The following MEX3D variants were observed in gnomAD, a reference collection of about 807,000 sequenced individuals.
MEX3D encodes RNA-binding protein MEX3D.
In MEX3D, 4 loss-of-function variants were observed where a neutral mutation model predicts 6.3. The observed-to-expected ratio is 0.64, with a 90% confidence interval of 0.31 to 1.46. The LOEUF (loss-of-function observed/expected upper bound fraction) is 1.46, where lower values mean the gene tolerates loss of function less well. Ranked by LOEUF, MEX3D falls within the 40% of genes most tolerant of loss-of-function variation. MEX3D has a pLI of 0.07. For synonymous variants in MEX3D, 626 were observed against 494.1 expected (o/e 1.27, Z -3.54); for missense variants, 1,038 against 994.4 (o/e 1.04, Z -0.59).
At position 1,556,688 on chromosome 19, in the gene MEX3D, C is replaced by A. The variant is rs766018583; in HGVS notation, c.831G>T (p.Gln277His). 6.2e-7 allele frequency: 1 copy of A among 1,610,956 alleles called. No individual in the cohort carries two copies. Among genetic ancestry groups the A allele is most frequent in the South Asian group, 1.1e-5 (1 of 90,980 alleles). ...CCACCACCCGGTAGGGCACGCGCAC[C>A]TGGATGGTGGTCTGTCCGGGAAGGT... ...PPNLPGQTTI[Q>H]VRVPYRVVGL... The change falls in exon 2 of 2, where the codon CAG becomes CAT. Residue 277 changes from glutamine to histidine, a missense_variant. By Grantham distance (24) the Gln-to-His change is conservative. Around this residue, in one of 5 missense-constraint regions of MEX3D, gnomAD observed 65 missense variants for 109.3 expected, o/e 0.59. Coordinates refer to ENST00000402693, the MANE Select transcript of MEX3D (RefSeq NM_203304.4). The surrounding 1 kb of genome is among the most constrained non-coding windows in gnomAD (Gnocchi z 7.5).
Position 1,556,968 on chromosome 19 carries a change from G to C in MEX3D, c.596-45C>G. ...AGGACAAGGTGACCCAGAGCCCCCT[G>C]CGCAGCTCAGCCCCGCTGGGCATGC... On this transcript the variant is annotated intron_variant, in intron 1 of 1. Transcript: ENST00000402693. The surrounding 1 kb of genome is among the most constrained non-coding windows in gnomAD (Gnocchi z 7.5). 1 of 1,544,190 alleles carries C rather than the reference G, an allele frequency of 6.5e-7. No individual in the cohort carries two copies. Among genetic ancestry groups the C allele is most frequent in the Non-Finnish European group, 8.7e-7 (1 of 1,151,362 alleles).
Position 1,556,997 on chromosome 19 carries a change from C to T in MEX3D, c.596-74G>A. 1 of 1,499,838 alleles carries T rather than the reference C, an allele frequency of 6.7e-7. No homozygotes were observed. The highest frequency in any genetic ancestry group is 1.3e-5 in the South Asian group (1 of 75,752). 92.9% of individuals were successfully genotyped at this position (1,499,838 alleles called of 1,614,324 possible). A position where few individuals can be genotyped will look rare whatever the true frequency, so the allele number is the denominator to read the frequency against. ...AGCTCAGCCCCGCTGGGCATGCAGG[C>T]TGCAGGGCCAGTGAGGGAGCCCCTA... is the stretch of plus-strand genomic sequence containing the variant. On this transcript the variant is annotated intron_variant, in intron 1 of 1. Coordinates refer to ENST00000402693, the MANE Select transcript of MEX3D (RefSeq NM_203304.4). The surrounding 1 kb of genome is among the most constrained non-coding windows in gnomAD (Gnocchi z 7.5).
At position 1,567,016 on chromosome 19, in the gene MEX3D, C is replaced by T. The variant is rs1051554863; in HGVS notation, c.595+448G>A. On this transcript the variant is annotated intron_variant, in intron 1 of 1. Coordinates refer to ENST00000402693, the MANE Select transcript of MEX3D (RefSeq NM_203304.4). This position sits in a 1 kb window ranked among gnomAD's most constrained non-coding sequence, Gnocchi z 6.5. ...CTGAGACGTGCGCTCTTTGTACTGT[C>T]AGCCTTCTCTCCCGGTCCTGCAGGC... 1.3e-5 allele frequency among the ~76,000 whole-genome samples: 2 copies of T among 152,134 alleles called. No individual in the cohort carries two copies. The highest frequency in any genetic ancestry group is 1.3e-4 in the Admixed American group (2 of 15,282).
chr19:1,557,396 C>A (rs1429257022), intron 1 of MEX3D, among the ~76,000 whole-genome samples: 1 of 151,164 alleles, frequency 6.6e-6, no homozygotes, highest in Non-Finnish European at 1.5e-5. Flanking sequence ...GAAACCCTGT[C>A]TCTACTAAAA....
chr19:1,568,071 C>A lies in MEX3D; in HGVS notation c.-13G>T. 1 of 978,218 alleles carries A rather than the reference C, an allele frequency of 1.0e-6. No homozygotes were observed. Among genetic ancestry groups the A allele is most frequent in the Non-Finnish European group, 1.2e-6 (1 of 827,656 alleles). 60.6% of individuals were successfully genotyped at this position (978,218 alleles called of 1,614,324 possible). ...GCGAGCTGGGCATGGCGGGAGCTAG[C>A]GCTGGGGCCCGCGCTCCTGCCGCCC... On this transcript the variant is annotated 5_prime_UTR_variant, in exon 1 of 2. Transcript: ENST00000402693.
Position 1,555,481 on chromosome 19 carries a change from T to A in MEX3D, c.*82A>T. 23 of 955,106 alleles carry A rather than the reference T, an allele frequency of 2.4e-5. No homozygotes were observed. The highest frequency in any genetic ancestry group is 4.5e-4 in the Middle Eastern group (1 of 2,242). The allele number at this position is 955,106 out of a possible 1,614,324, so 59.2% of individuals were successfully genotyped here. A position where few individuals can be genotyped will look rare whatever the true frequency, so the allele number is the denominator to read the frequency against. ...CCGCCCCTCGCCCCCTCCCCGTCCC[T>A]CTCCCACCCCGGGTCCCGCCCCGTC... On this transcript the variant is annotated 3_prime_UTR_variant, in exon 2 of 2. Coordinates refer to ENST00000402693, the MANE Select transcript of MEX3D (RefSeq NM_203304.4).
chr19:1,556,972 A>T lies in MEX3D; in HGVS notation c.596-49T>A. On this transcript the variant is annotated intron_variant, in intron 1 of 1. Transcript: ENST00000402693. The surrounding 1 kb of genome is among the most constrained non-coding windows in gnomAD (Gnocchi z 7.5). ...CAAGGTGACCCAGAGCCCCCTGCGC[A>T]GCTCAGCCCCGCTGGGCATGCAGGC... 1 of 1,534,358 alleles carries T rather than the reference A, an allele frequency of 6.5e-7. No individual in the cohort carries two copies.
At position 1,555,252 on chromosome 19, in the gene MEX3D, G is replaced by A. The variant is rs1298200539; in HGVS notation, c.*311C>T. 8 of 1,410,082 alleles carry A rather than the reference G, an allele frequency of 5.7e-6. 1 individual carries two copies. In the Admixed American group the frequency reaches 5.8e-5, roughly 10 times the overall value. 87.3% of individuals were successfully genotyped at this position (1,410,082 alleles called of 1,614,324 possible). On this transcript the variant is annotated 3_prime_UTR_variant, in exon 2 of 2. Coordinates refer to ENST00000402693, the MANE Select transcript of MEX3D (RefSeq NM_203304.4). ...TGCTTTTTTAAAGATCACCCTGGAGGGGAGGGGTGTCTAAAAATAAGAAAA... is the reference window on the plus strand; with the variant it reads ...TGCTTTTTTAAAGATCACCCTGGAGAGGAGGGGTGTCTAAAAATAAGAAAA...
intron 1 of MEX3D, among the ~76,000 whole-genome samples, chr19:1,558,424 G>C (rs1001757208): frequency 6.6e-6 from 1 of 151,694 alleles, no homozygotes; most frequent in East Asian, 1.9e-4. Context: ...GCCTTGTGGA[G>C]ACACAGACAG....
Position 1,555,433 on chromosome 19 carries a change from C to A in MEX3D, c.*130G>T. ...CTCATCTGTAAACACTGGCCGCCGC[C>A]CACCCCCCTGCCCCCTCGGCCTCCG... On this transcript the variant is annotated 3_prime_UTR_variant, in exon 2 of 2. Coordinates refer to ENST00000402693, the MANE Select transcript of MEX3D (RefSeq NM_203304.4). 6.8e-7 allele frequency: 1 copy of A among 1,467,524 alleles called. No homozygotes were observed. Among genetic ancestry groups the A allele is most frequent in the South Asian group, 1.2e-5 (1 of 83,318 alleles). 90.9% of individuals were successfully genotyped at this position (1,467,524 alleles called of 1,614,324 possible). A position where few individuals can be genotyped will look rare whatever the true frequency, so the allele number is the denominator to read the frequency against.
chr19:1,567,748 G>C lies in MEX3D; in HGVS notation c.311C>G (p.Pro104Arg), dbSNP rs1914883812. The C allele has an allele frequency of 7.2e-6, 7 of 971,634 alleles. No homozygotes were observed. Among genetic ancestry groups the C allele is most frequent in the African/African-American group, 1.8e-5 (1 of 56,590 alleles). The allele number at this position is 971,634 out of a possible 1,614,324, so 60.2% of individuals were successfully genotyped here. A position where few individuals can be genotyped will look rare whatever the true frequency, so the allele number is the denominator to read the frequency against. The change falls in exon 1 of 2, where the codon CCC becomes CGC. Residue 104 changes from proline to arginine, a missense_variant. By Grantham distance (103) the Pro-to-Arg change is moderately radical. This residue lies in a region of MEX3D where 265 missense variants were observed against 206.3 expected (regional missense o/e 1.28). Coordinates refer to ENST00000402693, the MANE Select transcript of MEX3D (RefSeq NM_203304.4). The surrounding 1 kb of genome is among the most constrained non-coding windows in gnomAD (Gnocchi z 6.5). ...DGGAAPEPVP[P>R]DGPEAGAPPT... ...GGGCGCGCCGGCCTCAGGTCCGTCGGGGGGCACAGGCTCCGGAGCCGCCCC... is the reference window on the plus strand; with the variant it reads ...GGGCGCGCCGGCCTCAGGTCCGTCGCGGGGCACAGGCTCCGGAGCCGCCCC...
intron 1 of MEX3D, among the ~76,000 whole-genome samples, chr19:1,565,771 G>T (rs1006422932): frequency 3.9e-5 from 6 of 152,308 alleles, no homozygotes; most frequent in Admixed American, 2.0e-4. Context: ...ACAGGCCAGA[G>T]GTGGGGGCTG....
rs1397743509 is a variant in MEX3D at position 1,555,928 on chromosome 19, G to A, written c.1591C>T (p.Arg531Cys). 9.2e-6 allele frequency: 11 copies of A among 1,189,234 alleles called. No homozygotes were observed. Among genetic ancestry groups the A allele is most frequent in the Non-Finnish European group, 1.1e-5 (11 of 960,864 alleles). 73.7% of individuals were successfully genotyped at this position (1,189,234 alleles called of 1,614,324 possible). A position where few individuals can be genotyped will look rare whatever the true frequency, so the allele number is the denominator to read the frequency against. The change falls in exon 2 of 2, where the codon CGC becomes TGC. Residue 531 changes from arginine to cysteine, a missense_variant. Physicochemically the swap from Arg to Cys is radical, Grantham distance 180. Coordinates refer to ENST00000402693, the MANE Select transcript of MEX3D (RefSeq NM_203304.4). Reference sequence around the variant, plus strand: ...CCCACCGGGTCCGGGGCGCCACGGCGAGACAGCGGGAGCTCCAGGCGGAGG... The same window carrying A: ...CCCACCGGGTCCGGGGCGCCACGGCAAGACAGCGGGAGCTCCAGGCGGAGG... ...GGLRLELPLSRRGAPDPVGAL... is the reference protein window; with the variant it reads ...GGLRLELPLSCRGAPDPVGAL...
chr19:1,568,026 G>A lies in MEX3D; in HGVS notation c.33C>T (p.Gly11=), dbSNP rs1300085518. 8.2e-6 allele frequency: 8 copies of A among 976,204 alleles called. No homozygotes were observed. The highest frequency in any genetic ancestry group is 8.5e-6 in the Non-Finnish European group (7 of 826,710). 60.5% of individuals were successfully genotyped at this position (976,204 alleles called of 1,614,324 possible). The change falls in exon 1 of 2, where the codon GGC becomes GGT. Residue 11 remains glycine, a synonymous_variant. Transcript: ENST00000402693. The part of the protein sequence containing the change: MPSSLGQPDG[G]GGGGGGGGGV... ...CGCCGCCGCCGCCGCCCCCGCCCCC[G>A]CCGCCGTCGGGCTGGCCGAGCGAGC...
At chr19:1,566,887 C>T (rs578165574) in intron 1 of MEX3D, among the ~76,000 whole-genome samples, 154 of 152,262 alleles carry the variant, frequency 1.0e-3, no homozygotes, top group African/African-American at 3.5e-3. Context: ...GACAGCCGGT[C>T]CTTCCCCAGG....
Position 1,555,531 on chromosome 19 carries a change from C to T in MEX3D, c.*32G>A, listed in dbSNP as rs368209480. On this transcript the variant is annotated 3_prime_UTR_variant, in exon 2 of 2. Transcript: ENST00000402693. ...CTCCCGCGCCCACCCCTGGCCCCCGCAGATGGCCCCGGCCACGTGGTGGTC... is the reference window on the plus strand; with the variant it reads ...CTCCCGCGCCCACCCCTGGCCCCCGTAGATGGCCCCGGCCACGTGGTGGTC... 1.7e-5 allele frequency: 26 copies of T among 1,537,282 alleles called. No homozygotes were observed. The African/African-American group carries it at 3.5e-4, about 20-fold the overall frequency.
chr19:1,567,242 G>C lies in MEX3D; in HGVS notation c.595+222C>G, dbSNP rs1422235902. On this transcript the variant is annotated intron_variant, in intron 1 of 1. Transcript: ENST00000402693. The surrounding 1 kb of genome is among the most constrained non-coding windows in gnomAD (Gnocchi z 6.5). ...AGGCGGCCCAGACAAAGGCGGCGGC[G>C]GGGCCGGAGCGCGCAGGGGAGGAGC... is the stretch of plus-strand genomic sequence containing the variant. 2.0e-5 allele frequency among the ~76,000 whole-genome samples: 3 copies of C among 152,018 alleles called. No homozygotes were observed. In the East Asian group the frequency reaches 5.8e-4, roughly 29 times the overall value.
chr19:1,561,678 G>C (rs987507007), intron 1 of MEX3D, among the ~76,000 whole-genome samples: 1 of 151,962 alleles, frequency 6.6e-6, no homozygotes, highest in Non-Finnish European at 1.5e-5. Flanking sequence ...CTCTATAAAG[G>C]GTGTCACCTG....
chr19:1,559,300 T>G (rs1483901969), intron 1 of MEX3D, among the ~76,000 whole-genome samples: 1 of 152,226 alleles, frequency 6.6e-6, no homozygotes, highest in East Asian at 1.9e-4. Flanking sequence ...CCCAGCTAAT[T>G]TTTTTTATTT....
Sources: gnomAD v4.1 joint callset for allele counts (sites outside exome capture counted in the v4.1 genomes callset) on GRCh38, gnomAD v4.1.1 for gene constraint, gnomAD v4.1.1 regional missense constraint, Gnocchi (gnomAD v3.1) non-coding constraint, MANE v1.5 for transcripts, NCBI Gene and HGNC (gene_info 2026-07-23, HGNC 2026-07-21) for gene names.